HERC4: variants seen among roughly 807,000 people sequenced by gnomAD.
HERC4 encodes probable E3 ubiquitin-protein ligase HERC4.
A neutral mutation model predicts 124.3 loss-of-function variants in HERC4; 28 were observed. The observed-to-expected ratio is 0.23, with a 90% CI of 0.17 to 0.31. HERC4 has a LOEUF of 0.31. HERC4 is among the 10% of genes least tolerant of loss of function. The pLI, the probability that HERC4 is intolerant of heterozygous loss-of-function variation, is 1.00. For missense variants in HERC4, 713 were observed against 1,229.3 expected (o/e 0.58, Z 6.28); for synonymous variants, 407 against 421.5 (o/e 0.97, Z 0.42).
At chr10:67,968,188 T>A (rs573689328) in intron 15 of HERC4, among the ~76,000 whole-genome samples, 1 of 151,928 alleles carries the variant, frequency 6.6e-6, no homozygotes, top group Non-Finnish European at 1.5e-5. Context: ...CAGTGAGGAA[T>A]AAAAAAATCA....
chr10:67,992,315 C>G lies in HERC4; in HGVS notation c.1155G>C (p.Gly385=), dbSNP rs746259558. ...FSHYSSPQNC[G]PPDDFRCPNP... is the part of the protein sequence containing the mutation. ...TGGGACATCTGAAGTCATCTGGTGG[C>G]CCACAGTTCTAAATTTTCAAATAAG... Residue 385 remains glycine, a synonymous_variant, in exon 11 of 25, where the codon GGG becomes GGC. Coordinates refer to ENST00000373700, the MANE Select transcript of HERC4 (RefSeq NM_015601.4). The G allele has an allele frequency of 6.2e-7, 1 of 1,613,326 alleles. No individual in the cohort carries two copies. Among genetic ancestry groups the G allele is most frequent in the Non-Finnish European group, 8.5e-7 (1 of 1,179,492 alleles).
chr10:67,998,300 CATTTTG>C (rs1464151594), intron 9 of HERC4, among the ~76,000 whole-genome samples: 1 of 151,276 alleles, frequency 6.6e-6, no homozygotes, highest in African/African-American at 2.4e-5. Flanking sequence ...GTAATCCCAG[CATTTTG>C]GGAGGCCGAG....
chr10:68,050,233 G>C (rs1387504396), intron 3 of HERC4, among the ~76,000 whole-genome samples: 2 of 152,056 alleles, frequency 1.3e-5, no homozygotes, highest in Non-Finnish European at 2.9e-5. Context: ...TACTTAGAAG[G>C]GATATAGGCA....
intron 4 of HERC4, among the ~76,000 whole-genome samples, chr10:68,043,394 G>A (rs1007422529): frequency 2.0e-5 from 3 of 152,142 alleles, no homozygotes; most frequent in African/African-American, 7.2e-5. Flanking sequence ...GTTTAAAGAG[G>A]TCAGAATTTG....
At chr10:68,028,639 G>A (rs1057078558) in intron 7 of HERC4, among the ~76,000 whole-genome samples, 1 of 152,006 alleles carries the variant, frequency 6.6e-6, no homozygotes, top group Admixed American at 6.6e-5. Context: ...CCTTTCACTC[G>A]TTATGGCAAA....
chr10:68,032,638 TAAGTC>T (rs1589377283), intron 7 of HERC4, 135 bp downstream of exon 7: 1 of 564,106 alleles, frequency 1.8e-6, no homozygotes, highest in African/African-American at 1.9e-5. Context: ...AAGAATAATC[TAAGTC>T]TTTTTTCCCA....
chr10:68,001,154 T>G (rs1245068331), intron 9 of HERC4, among the ~76,000 whole-genome samples: 3 of 152,122 alleles, frequency 2.0e-5, no homozygotes, highest in African/African-American at 7.2e-5. Context: ...GAGGATCACT[T>G]GAATCCAGGA....
chr10:68,048,120 T>C (rs1333921557), intron 3 of HERC4, among the ~76,000 whole-genome samples: 1 of 151,952 alleles, frequency 6.6e-6, no homozygotes, highest in Non-Finnish European at 1.5e-5. Flanking sequence ...GGTCTCACTA[T>C]GTTGCCCAGG....
intron 8 of HERC4, among the ~76,000 whole-genome samples, chr10:68,019,581 AATT>A (rs1312496105): frequency 5.3e-5 from 8 of 152,268 alleles, no homozygotes; most frequent in Admixed American, 3.3e-4. Context: ...CCTAGACAAC[AATT>A]ACACTGACAG....
chr10:67,950,127 G>A (rs2033687285), intron 19 of HERC4, among the ~76,000 whole-genome samples: 1 of 152,154 alleles, frequency 6.6e-6, no homozygotes, highest in African/African-American at 2.4e-5. Context: ...ACTAGGGACA[G>A]AAGGGAATTT....
intron 9 of HERC4, chr10:67,993,118 G>T (rs1259300757): frequency 1.3e-5 from 2 of 152,794 alleles, no homozygotes; most frequent in South Asian, 2.1e-4. Flanking sequence ...GCTGAGGTGG[G>T]AGGATCATTT....
intron 16 of HERC4, among the ~76,000 whole-genome samples, chr10:67,959,360 G>A (rs1003222172): frequency 6.6e-6 from 1 of 151,974 alleles, no homozygotes; most frequent in African/African-American, 2.4e-5. Flanking sequence ...ATCATAAAAT[G>A]ATTGAGGCTT....
At chr10:67,923,241 C>A (rs1385101508) in intron 24 of HERC4, 102 bp from the exon 25 acceptor site, 7 of 832,034 alleles carry the variant, frequency 8.4e-6, no homozygotes, top group Middle Eastern at 4.7e-4. Context: ...ACTTTAACAT[C>A]TGCTCTAACG....
chr10:68,044,533 A>G lies in HERC4; in HGVS notation c.257T>C (p.Ile86Thr). ...AGCTTCTCCACATGAAACAGCTACA[A>G]TATTTTGGGCATCCAGGGCAACAAC... is the stretch of plus-strand genomic sequence containing the variant. ...EQVVALDAQNIVAVSCGEAHT... is the reference protein window; with the variant it reads ...EQVVALDAQNTVAVSCGEAHT... Residue 86 changes from isoleucine (I) to threonine (T), a missense_variant, in exon 4 of 25, where the codon ATT becomes ACT. Transcript: ENST00000373700. 6.2e-7 allele frequency: 1 copy of G among 1,614,058 alleles called. No individual in the cohort carries two copies. The highest frequency in any genetic ancestry group is 8.5e-7 in the Non-Finnish European group (1 of 1,179,982).
At position 68,068,486 on chromosome 10, in the gene HERC4, CAAAAAAA is replaced by C. The variant is rs34779824; in HGVS notation, c.226+4390_226+4396del. 6.7e-3 allele frequency: 473 copies of C among 71,094 alleles called. 2 individuals carry two copies. The highest frequency in any genetic ancestry group is 0.014 in the Middle Eastern group (2 of 138). The allele number at this position is 71,094 out of a possible 1,614,324, so 4.4% of individuals were successfully genotyped here. A position where few individuals can be genotyped will look rare whatever the true frequency, so the allele number is the denominator to read the frequency against. ...TGGGTAACAGAGCAAGACTCCGTTTCAAAAAAAAAAAAAAAAAAAAAAAATTAGCCAG... is the reference window on the plus strand; with the variant it reads ...TGGGTAACAGAGCAAGACTCCGTTTCAAAAAAAAAAAAAAAAATTAGCCAG... On this transcript the variant is annotated intron_variant, in intron 3 of 24. Coordinates refer to ENST00000373700, the MANE Select transcript of HERC4 (RefSeq NM_015601.4).
At chr10:67,973,575 C>T (rs543602910) in intron 15 of HERC4, among the ~76,000 whole-genome samples, 10 of 152,122 alleles carry the variant, frequency 6.6e-5, no homozygotes, top group Admixed American at 3.9e-4. Flanking sequence ...GAATATTATT[C>T]GGCTGAGAGA....
rs1394749886 is a variant in HERC4, at chr10:68,059,619, A to T, written c.226+13264T>A. 2.2e-4 allele frequency among the ~76,000 whole-genome samples: 20 copies of T among 91,700 alleles called. 6 individuals carry two copies. The highest frequency in any genetic ancestry group is 1.2e-3 in the African/African-American group (19 of 15,812). 60.2% of individuals were successfully genotyped at this position (91,700 alleles called of 152,430 possible). The stretch of plus-strand genomic sequence containing the variant: ...ATATATCATAATATTATATATCATA[A>T]TATTATATATCATAATATTATATAT... On this transcript the variant is annotated intron_variant, in intron 3 of 24. Coordinates refer to ENST00000373700, the MANE Select transcript of HERC4 (RefSeq NM_015601.4).
intron 3 of HERC4, 74 bp from the exon 4 acceptor site, chr10:68,044,637 G>A: frequency 7.3e-7 from 1 of 1,363,794 alleles, no homozygotes; most frequent in Non-Finnish European, 1.0e-6. Flanking sequence ...TTCTAGTTTT[G>A]AACTTCCAAT....
chr10:67,948,341 C>T (rs1177812246), intron 19 of HERC4, among the ~76,000 whole-genome samples: 1 of 151,288 alleles, frequency 6.6e-6, no homozygotes, highest in Non-Finnish European at 1.5e-5. Context: ...AAAAACAATC[C>T]CATCAAAAAG....
Sources: allele counts gnomAD v4.1 joint callset (sites outside exome capture counted in the v4.1 genomes callset), GRCh38; gene constraint gnomAD v4.1.1; transcripts MANE v1.5; gene names NCBI Gene and HGNC (gene_info 2026-07-23, HGNC 2026-07-21).